The following TTC7B variants were observed in gnomAD, a reference collection of about 807,000 sequenced individuals.
TTC7B encodes the protein tetratricopeptide repeat domain 7B, also known as tetratricopeptide repeat protein 7B.
In TTC7B, 28 loss-of-function variants were observed where a neutral mutation model predicts 106.8. The ratio of observed to expected loss-of-function variants is 0.26; its 90% CI spans 0.19 to 0.36. The LOEUF (loss-of-function observed/expected upper bound fraction) is 0.36. TTC7B is among the 10% of genes least tolerant of loss of function. The probability of loss-of-function intolerance (pLI) is 1.00; values close to 1 mark genes in which losing one functional copy is unlikely to be tolerated. For missense variants in TTC7B, 862 were observed against 1,076.4 expected (o/e 0.80, Z 2.79); for synonymous variants, 405 against 430.6 (o/e 0.94, Z 0.74).
At chr14:90,729,751 G>T (rs1055665387) in intron 5 of TTC7B, among the ~76,000 whole-genome samples, 1 of 152,162 alleles carries the variant, frequency 6.6e-6, no homozygotes, top group African/African-American at 2.4e-5. Context: ...CAAATGGGGA[G>T]GCCGATGCAG....
At chr14:90,541,670 A>G in intron 19 of TTC7B, 81 bp from the exon 20 acceptor site, 3 of 1,175,586 alleles carry the variant, frequency 2.6e-6, no homozygotes, top group African/African-American at 1.5e-5. Flanking sequence ...TCGAGTTTCC[A>G]GTCAGTTCCT....
intron 16 of TTC7B, among the ~76,000 whole-genome samples, chr14:90,615,372 G>C (rs907782135): frequency 1.3e-5 from 2 of 152,226 alleles, no homozygotes; most frequent in Non-Finnish European, 2.9e-5. Flanking sequence ...CTGGCAGATA[G>C]AGCAGGGGGC....
At chr14:90,789,423 G>A (rs1412494875) in intron 1 of TTC7B, among the ~76,000 whole-genome samples, 2 of 151,856 alleles carry the variant, frequency 1.3e-5, no homozygotes, top group Non-Finnish European at 2.9e-5. Context: ...TAATAGCCAT[G>A]TTAAAAAAGG....
intron 5 of TTC7B, among the ~76,000 whole-genome samples, chr14:90,696,349 G>T (rs1394904983): frequency 6.6e-6 from 1 of 152,174 alleles, no homozygotes; most frequent in Non-Finnish European, 1.5e-5. Context: ...AGCCTGCTGA[G>T]CTGGGAACGC....
chr14:90,635,724 C>T (rs1287936227), intron 15 of TTC7B, among the ~76,000 whole-genome samples: 1 of 146,450 alleles, frequency 6.8e-6, no homozygotes, highest in Non-Finnish European at 1.5e-5. Context: ...TGCGCCACTG[C>T]ACTCCAGCCT....
At position 90,537,373 on chromosome 14, in the gene TTC7B, T is replaced by TGGCG. The variant is rs1555372752; in HGVS notation, c.*3994_*3995insCGCC. On this transcript the variant is annotated 3_prime_UTR_variant, in exon 20 of 20. Coordinates refer to ENST00000328459, the MANE Select transcript of TTC7B (RefSeq NM_001010854.2). ...GGCTATTTTTTTTTTTTTGTAGAGA[T>TGGCG]GGGGGGGGGGTCTCACCATGTTGCC... 1 of 54,422 alleles carries TGGCG rather than the reference T, an allele frequency of 1.8e-5. No individual in the cohort carries two copies. Among genetic ancestry groups the TGGCG allele is most frequent in the African/African-American group, 6.2e-5 (1 of 16,116 alleles). The allele number at this position is 54,422 out of a possible 1,614,324, so 3.4% of individuals were successfully genotyped here.
intron 5 of TTC7B, among the ~76,000 whole-genome samples, chr14:90,701,628 C>T (rs1471804107): frequency 6.6e-6 from 1 of 151,950 alleles, no homozygotes; most frequent in Non-Finnish European, 1.5e-5. Flanking sequence ...CCCCATCTCA[C>T]ATCCTTCCTT....
rs145870531 is a variant in TTC7B, at chr14:90,653,252, G to A, written c.1460-354C>T. Among the ~76,000 whole-genome samples the A allele has an allele frequency of 3.7e-3, 564 of 152,322 alleles. 2 individuals are homozygous for A. The highest frequency in any genetic ancestry group is 0.01 in the Middle Eastern group (3 of 294). ...GTGTAGGCATGTAACTCAGGGGAAC[G>A]ACAAGCTCTATGAAGATGGGGTGGG... On this transcript the variant is annotated intron_variant, in intron 12 of 19. Coordinates refer to ENST00000328459, the MANE Select transcript of TTC7B (RefSeq NM_001010854.2).
chr14:90,774,450 G>A (rs1394023580), intron 3 of TTC7B, among the ~76,000 whole-genome samples: 3 of 152,238 alleles, frequency 2.0e-5, no homozygotes, highest in Admixed American at 6.5e-5. Flanking sequence ...TTACCCCTCT[G>A]CATATGCCTA....
intron 19 of TTC7B, among the ~76,000 whole-genome samples, chr14:90,573,402 G>GCCCTCTCCGGCTCACGGT (rs1262176799): frequency 2.5e-5 from 3 of 121,966 alleles, no homozygotes; most frequent in South Asian, 2.8e-4. Context: ...CGGCTCACAG[G>GCCCTCTCCGGCTCACGGT]CCCTCTCCGG....
intron 3 of TTC7B, among the ~76,000 whole-genome samples, chr14:90,767,264 G>A (rs1384268195): frequency 6.6e-6 from 1 of 152,122 alleles, no homozygotes; most frequent in Admixed American, 6.5e-5. Context: ...AGTACAATAA[G>A]TGAAATGAAA....
At chr14:90,809,119 C>T (rs1234987415) in intron 1 of TTC7B, among the ~76,000 whole-genome samples, 1 of 152,214 alleles carries the variant, frequency 6.6e-6, no homozygotes, top group African/African-American at 2.4e-5. Context: ...TGCACCGCCA[C>T]CCTCCTTGGG....
intron 19 of TTC7B, among the ~76,000 whole-genome samples, chr14:90,544,773 G>A (rs1188732249): frequency 6.6e-6 from 1 of 152,112 alleles, no homozygotes; most frequent in East Asian, 1.9e-4. Context: ...CTCGTCACAC[G>A]CCTTCCTGGC....
rs181792805 is a variant in TTC7B, at chr14:90,668,092, T to C, written c.1152+8431A>G. On this transcript the variant is annotated intron_variant, in intron 9 of 19. Coordinates refer to ENST00000328459, the MANE Select transcript of TTC7B (RefSeq NM_001010854.2). ...ATACTTCCCTTGTGCAAATATTACC[T>C]GCTCAAAATAGATAATAAGACCAAC... Among the ~76,000 whole-genome samples, 985 of 146,948 alleles carry C rather than the reference T, an allele frequency of 6.7e-3. 4 individuals carry two copies. Among genetic ancestry groups the C allele is most frequent in the Non-Finnish European group, 9.1e-3 (612 of 67,222 alleles).
At chr14:90,673,660 T>G (rs1886716655) in intron 9 of TTC7B, among the ~76,000 whole-genome samples, 1 of 152,172 alleles carries the variant, frequency 6.6e-6, no homozygotes, top group Non-Finnish European at 1.5e-5. Flanking sequence ...AACAACACTG[T>G]TCATAGTAGC....
In TTC7B at chr14:90,537,615, C is replaced by T. The variant is rs1889451072; in HGVS notation, c.*3753G>A. The T allele has an allele frequency of 6.6e-6, 1 of 152,418 alleles. No individual in the cohort carries two copies. Among genetic ancestry groups the T allele is most frequent in the South Asian group, 2.1e-4 (1 of 4,830 alleles). The allele number at this position is 152,418 out of a possible 1,614,324, so 9.4% of individuals were successfully genotyped here. A position where few individuals can be genotyped will look rare whatever the true frequency, so the allele number is the denominator to read the frequency against. ...TTCTCATCCTTCACCACCTGACCAT[C>T]CCCCTCCCCTCTGGGCCTTTGCACC... On this transcript the variant is annotated 3_prime_UTR_variant, in exon 20 of 20. Coordinates refer to ENST00000328459, the MANE Select transcript of TTC7B (RefSeq NM_001010854.2).
intron 15 of TTC7B, among the ~76,000 whole-genome samples, chr14:90,638,123 G>A (rs555710588): frequency 1.1e-4 from 16 of 151,908 alleles, no homozygotes; most frequent in South Asian, 1.0e-3. Flanking sequence ...GAGCTCAAGC[G>A]ATCCTCCTGC....
At chr14:90,816,051 C>T (rs1284009560) in intron 1 of TTC7B, 124 bp downstream of exon 1, 5 of 965,586 alleles carry the variant, frequency 5.2e-6, no homozygotes, top group African/African-American at 1.8e-5. Flanking sequence ...TCCCCTGGGC[C>T]GCAGCTCCCT....
chr14:90,633,197 A>C (rs962882043), intron 15 of TTC7B, among the ~76,000 whole-genome samples: 1 of 152,360 alleles, frequency 6.6e-6, no homozygotes, highest in African/African-American at 2.4e-5. Context: ...ACATACTTAT[A>C]TTAGTAATCT....
Sources: allele counts gnomAD v4.1 joint callset (sites outside exome capture counted in the v4.1 genomes callset), GRCh38; gene constraint gnomAD v4.1.1; transcripts MANE v1.5; gene names NCBI Gene and HGNC (gene_info 2026-07-23, HGNC 2026-07-21).